The following TRIML1 variants were observed in gnomAD, a reference collection of about 807,000 sequenced individuals.
TRIML1 encodes probable E3 ubiquitin-protein ligase TRIML1.
TRIML1 carries 34 observed loss-of-function variants against 32.3 expected under a neutral mutation model. That is an observed-to-expected ratio of 1.05 (90% CI 0.80 to 1.40). The LOEUF is 1.40. TRIML1 is among the 40% of genes most tolerant of loss of function. The pLI is 0.00. For missense variants in TRIML1, 595 were observed against 574.9 expected, an observed-to-expected ratio of 1.03 and a Z score of -0.36; for synonymous variants, 244 against 226.6, an observed-to-expected ratio of 1.08 and a Z score of -0.69.
Position 188,147,070 on chromosome 4 carries a change from C to T in TRIML1, c.1105C>T (p.Pro369Ser), listed in dbSNP as rs1436959061. The T allele has an allele frequency of 1.9e-6, 3 of 1,613,692 alleles. No homozygotes were observed. The highest frequency in any genetic ancestry group is 1.7e-5 in the Admixed American group (1 of 59,966). Residue 369 changes from proline (P) to serine (S), a missense_variant, in exon 6 of 6, where the codon CCC (proline) becomes TCC (serine). By Grantham distance (74) the Pro-to-Ser change is moderately conservative. Transcript: ENST00000332517. ...CTCTGTGAGCAGAAAGGGGAATCTC[C>T]CCAAGCCACCTGGGGACCTGTTCTC... ...KDSVSRKGNL[P>S]KPPGDLFSLI...
Position 188,139,939 on chromosome 4 carries a change from C to G in TRIML1, c.381C>G (p.Leu127=), listed in dbSNP as rs1160430306. 1 of 1,611,798 alleles carries G rather than the reference C, an allele frequency of 6.2e-7. No individual in the cohort carries two copies. Among genetic ancestry groups the G allele is most frequent in the African/African-American group, 1.3e-5 (1 of 75,004 alleles). Residue 127 remains leucine, a synonymous_variant, in exon 1 of 6, where the codon CTC becomes CTG. Transcript: ENST00000332517. ...GCCATGGTGCAAACAGAGTGCATCT[C>G]TCCAGCGAGGCTGAGGAGCATCACA... The part of the protein sequence containing the change: ...AQSHGANRVH[L]SSEAEEHHRE...
Position 188,140,526 on chromosome 4 carries a change from A to C in TRIML1, c.409-2A>C. 6.2e-7 allele frequency: 1 copy of C among 1,612,046 alleles called. No individual in the cohort carries two copies. Among genetic ancestry groups the C allele is most frequent in the South Asian group, 1.1e-5 (1 of 91,052 alleles). On this transcript the variant is annotated splice_acceptor_variant, in intron 1 of 5. Transcript: ENST00000332517. LOFTEE classifies it high-confidence loss of function. ...GCCAGAAAGGGTTTGTTTCTATTGCAGGAGAAACTCCAGGAAATCCTGAAT... is the reference window on the plus strand; with the variant it reads ...GCCAGAAAGGGTTTGTTTCTATTGCCGGAGAAACTCCAGGAAATCCTGAAT...
At chr4:188,145,105 A>T (rs1735019274) in intron 5 of TRIML1, among the ~76,000 whole-genome samples, 1 of 152,052 alleles carries the variant, frequency 6.6e-6, no homozygotes. Flanking sequence ...ACAGATAATT[A>T]GTTATGGTGG....
Position 188,142,312 on chromosome 4 carries a change from C to T in TRIML1, c.565C>T (p.Leu189=). 1.2e-6 allele frequency: 2 copies of T among 1,612,062 alleles called. No individual in the cohort carries two copies. The highest frequency in any genetic ancestry group is 1.1e-5 in the South Asian group (1 of 90,990). The change falls in exon 3 of 6, where the codon CTG becomes TTG. Residue 189 remains leucine, a synonymous_variant. Transcript: ENST00000332517. ...VSEYMKMHQF[L]KEEEQLQLQL... is the part of the protein sequence containing the mutation. Reference sequence around the variant, plus strand: ...AGAATACATGAAAATGCACCAGTTCCTGAAGGAAGAGGAGCAGCTGCAACT... The same window carrying T: ...AGAATACATGAAAATGCACCAGTTCTTGAAGGAAGAGGAGCAGCTGCAACT...
chr4:188,142,461 C>A lies in TRIML1; in HGVS notation c.714C>A (p.Ser238Arg). The change falls in exon 3 of 6, where the codon AGC becomes AGA. Residue 238 changes from serine to arginine, a missense_variant. Transcript: ENST00000332517. The stretch of plus-strand genomic sequence containing the variant: ...CACAGATTGAGTCCTCAAGTCAAAG[C>A]TCGGCTTTCGAATCTCTTGAGGTGA... ...MIAQIESSSQ[S>R]SAFESLEEVR... The A allele has an allele frequency of 6.2e-7, 1 of 1,613,740 alleles. No homozygotes were observed. Among genetic ancestry groups the A allele is most frequent in the Non-Finnish European group, 8.5e-7 (1 of 1,179,918 alleles).
At chr4:188,143,712 T>C in intron 3 of TRIML1, 126 bp from the exon 4 acceptor site, 1 of 1,129,302 alleles carries the variant, frequency 8.9e-7, no homozygotes, top group South Asian at 1.3e-5. Context: ...CTCTCTGTGC[T>C]CCCACTCATG....
intron 2 of TRIML1, among the ~76,000 whole-genome samples, chr4:188,141,206 C>T (rs1223634488): frequency 5.3e-5 from 7 of 132,974 alleles, no homozygotes; most frequent in African/African-American, 1.7e-4. Context: ...CTCTCTCTGT[C>T]GCCCAGGCTG....
In TRIML1 at chr4:188,146,881, A is replaced by G. The variant is rs1735103376; in HGVS notation, c.916A>G (p.Lys306Glu). 1.1e-5 allele frequency: 17 copies of G among 1,486,222 alleles called. No homozygotes were observed. Among genetic ancestry groups the G allele is most frequent in the Non-Finnish European group, 1.5e-5 (17 of 1,117,206 alleles). The allele number at this position is 1,486,222 out of a possible 1,614,324, so 92.1% of individuals were successfully genotyped here. ...NAYLVLSEDLKSVKYGGSRQQ... is the reference protein window; with the variant it reads ...NAYLVLSEDLESVKYGGSRQQ... Reference sequence around the variant, plus strand: ...CTATCTCGTGTTGTCGGAGGATCTGAAGAGTGTGAAATATGGGGGAAGCAG... The same window carrying G: ...CTATCTCGTGTTGTCGGAGGATCTGGAGAGTGTGAAATATGGGGGAAGCAG... Residue 306 changes from lysine to glutamate, a missense_variant, in exon 6 of 6, where the codon AAG (lysine) becomes GAG (glutamate). Coordinates refer to ENST00000332517, the MANE Select transcript of TRIML1 (RefSeq NM_178556.5).
At position 188,144,087 on chromosome 4, in the gene TRIML1, T is replaced by C. The variant is rs754295036; in HGVS notation, c.810T>C (p.Ser270=). 3 of 1,613,782 alleles carry C rather than the reference T, an allele frequency of 1.9e-6. No individual in the cohort carries two copies. The African/African-American group carries it at 4.0e-5, about 22-fold the overall frequency. ...QCPEATTTEL[S]LCRITGMKEM... ...CAGAGGCCACCACCACAGAGCTGAGTCTGTGCCGCATCACGGGAATGAAGG... is the reference window on the plus strand; with the variant it reads ...CAGAGGCCACCACCACAGAGCTGAGCCTGTGCCGCATCACGGGAATGAAGG... Residue 270 remains serine, a synonymous_variant, in exon 5 of 6, where the codon AGT becomes AGC. Transcript: ENST00000332517.
At chr4:188,143,816 C>A (rs928039072) in intron 3 of TRIML1, 22 bp from the exon 4 acceptor site, 12 of 1,613,982 alleles carry the variant, frequency 7.4e-6, no homozygotes, top group Admixed American at 1.7e-5. Flanking sequence ...ACCATGCTAA[C>A]TTCTTTCTTT....
chr4:188,138,574 A>C (rs1734739183), upstream of TRIML1, among the ~76,000 whole-genome samples: 1 of 152,104 alleles, frequency 6.6e-6, no homozygotes, highest in Non-Finnish European at 1.5e-5. Context: ...CTCGGAGTTC[A>C]CTGTGCACAG....
Position 188,142,233 on chromosome 4 carries a change from TG to T in TRIML1, c.505-18del. 6.2e-6 allele frequency: 9 copies of T among 1,454,152 alleles called. No individual in the cohort carries two copies. The highest frequency in any genetic ancestry group is 8.6e-6 in the Non-Finnish European group (9 of 1,042,222). 90.1% of individuals were successfully genotyped at this position (1,454,152 alleles called of 1,614,324 possible). A position where few individuals can be genotyped will look rare whatever the true frequency, so the allele number is the denominator to read the frequency against. Reference sequence around the variant, plus strand: ...GTGTGTGTGTGTGTGTGTGTGTGTGTGTGTGTGTGTTTTGGCAGGAAGAAAC... The same window carrying T: ...GTGTGTGTGTGTGTGTGTGTGTGTGTTGTGTGTGTTTTGGCAGGAAGAAAC... On this transcript the variant is annotated intron_variant, in intron 2 of 5. Coordinates refer to ENST00000332517, the MANE Select transcript of TRIML1 (RefSeq NM_178556.5).
chr4:188,147,359 A>G lies in TRIML1; in HGVS notation c.1394A>G (p.Asn465Ser). ...NTDPLTICSLNSHV is the reference protein window; with the variant it reads ...NTDPLTICSLSSHV ...GACCCTCTCACCATCTGCTCACTGA[A>G]CAGCCACGTCTGAGGGGCGTGCCCT... Residue 465 changes from asparagine (N) to serine (S), a missense_variant, in exon 6 of 6, where the codon AAC (asparagine) becomes AGC (serine). Asn to Ser is a conservative substitution (Grantham distance 46, BLOSUM62 1). Transcript: ENST00000332517. 4.7e-6 allele frequency: 7 copies of G among 1,503,036 alleles called. No individual in the cohort carries two copies. The highest frequency in any genetic ancestry group is 5.3e-6 in the Non-Finnish European group (6 of 1,127,816). 93.1% of individuals were successfully genotyped at this position (1,503,036 alleles called of 1,614,324 possible). A position where few individuals can be genotyped will look rare whatever the true frequency, so the allele number is the denominator to read the frequency against.
Position 188,146,812 on chromosome 4 carries a change from C to T in TRIML1, c.857-10C>T. 7.4e-7 allele frequency: 1 copy of T among 1,356,278 alleles called. No individual in the cohort carries two copies. Among genetic ancestry groups the T allele is most frequent in the Non-Finnish European group, 9.5e-7 (1 of 1,048,184 alleles). The allele number at this position is 1,356,278 out of a possible 1,614,324, so 84.0% of individuals were successfully genotyped here. A position where few individuals can be genotyped will look rare whatever the true frequency, so the allele number is the denominator to read the frequency against. ...GCCCAAGGGAAATCTCTTCTTTCCT[C>T]CTCTTGCAGCGGAGATAACGCTGGA... On this transcript the variant is annotated splice_polypyrimidine_tract_variant and intron_variant, in intron 5 of 5. Transcript: ENST00000332517.
In TRIML1 at chr4:188,146,965, C is replaced by A; in HGVS notation, c.1000C>A (p.Gln334Lys). ...FDQSATVLGT[Q>K]IFTSGRHYWE... ...CCAGTCTGCGACTGTGCTGGGTACT[C>A]AGATCTTCACCAGTGGGAGACACTA... Residue 334 changes from glutamine (Q) to lysine (K), a missense_variant, in exon 6 of 6, where the codon CAG becomes AAG. Physicochemically the swap from Gln to Lys is moderately conservative, Grantham distance 53. Transcript: ENST00000332517. 1 of 1,554,768 alleles carries A rather than the reference C, an allele frequency of 6.4e-7. No individual in the cohort carries two copies.
chr4:188,147,356 T>A lies in TRIML1; in HGVS notation c.1391T>A (p.Leu464Gln). Residue 464 changes from leucine to glutamine, a missense_variant, in exon 6 of 6, where the codon CTG (leucine) becomes CAG (glutamine). Leu to Gln is a moderately radical substitution (Grantham distance 113, BLOSUM62 -2). Coordinates refer to ENST00000332517, the MANE Select transcript of TRIML1 (RefSeq NM_178556.5). ...ACAGACCCTCTCACCATCTGCTCAC[T>A]GAACAGCCACGTCTGAGGGGCGTGC... ...TNTDPLTICS[L>Q]NSHV 6.7e-7 allele frequency: 1 copy of A among 1,503,296 alleles called. No homozygotes were observed. 93.1% of individuals were successfully genotyped at this position (1,503,296 alleles called of 1,614,324 possible).
intron 2 of TRIML1, 36 bp downstream of exon 2, chr4:188,140,659 A>T: frequency 6.8e-7 from 1 of 1,470,728 alleles, no homozygotes; most frequent in Non-Finnish European, 9.5e-7. Context: ...CTTGTATATG[A>T]CCCCATAAGG....
chr4:188,145,216 T>C (rs1182218108), intron 5 of TRIML1, among the ~76,000 whole-genome samples: 2 of 151,604 alleles, frequency 1.3e-5, no homozygotes, highest in Admixed American at 1.3e-4. Context: ...GGCGGGCAGA[T>C]CACTTGGGGT....
In TRIML1 at chr4:188,144,080, A is replaced by G; in HGVS notation, c.803A>G (p.Glu268Gly). 1 of 1,614,078 alleles carries G rather than the reference A, an allele frequency of 6.2e-7. No individual in the cohort carries two copies. Among genetic ancestry groups the G allele is most frequent in the Non-Finnish European group, 8.5e-7 (1 of 1,180,026 alleles). Residue 268 changes from glutamate (E) to glycine (G), a missense_variant, in exon 5 of 6, where the codon GAG becomes GGG. Transcript: ENST00000332517. ...LLQCPEATTT[E>G]LSLCRITGMK... ...CAGTGTCCAGAGGCCACCACCACAGAGCTGAGTCTGTGCCGCATCACGGGA... is the reference window on the plus strand; with the variant it reads ...CAGTGTCCAGAGGCCACCACCACAGGGCTGAGTCTGTGCCGCATCACGGGA...
Sources: allele counts gnomAD v4.1 joint callset (sites outside exome capture counted in the v4.1 genomes callset), GRCh38; gene constraint gnomAD v4.1.1; transcripts MANE v1.5; gene names NCBI Gene and HGNC (gene_info 2026-07-23, HGNC 2026-07-21).